Variants in NEDD9 observed in about 807,000 individuals in gnomAD.
NEDD9 encodes enhancer of filamentation 1.
NEDD9 carries 26 observed loss-of-function variants against 76.6 expected under a neutral mutation model. The observed-to-expected ratio is 0.34, with a 90% CI of 0.25 to 0.47. The LOEUF (loss-of-function observed/expected upper bound fraction) is 0.47. NEDD9 is among the 20% of genes least tolerant of loss of function. The pLI is 1.00. For synonymous variants in NEDD9, 392 were observed against 414.2 expected (o/e 0.95, Z 0.65); for missense variants, 937 against 1,058.5 (o/e 0.89, Z 1.59).
intron 3 of NEDD9, among the ~76,000 whole-genome samples, chr6:11,284,862 T>G (rs1339875232): frequency 6.6e-6 from 1 of 151,608 alleles, no homozygotes; most frequent in Non-Finnish European, 1.5e-5. Context: ...TTAGTTCTTA[T>G]ATGACAAGAA....
At chr6:11,336,564 C>A (rs76010409) in intron 1 of NEDD9, among the ~76,000 whole-genome samples, 5,082 of 152,236 alleles carry the variant, frequency 0.033, 190 homozygotes, top group African/African-American at 0.091. Flanking sequence ...ATGAATGGTG[C>A]TTGCAGGACT....
chr6:11,268,978 CTGAAATTTCTTA>C (rs1476405092), intron 3 of NEDD9, among the ~76,000 whole-genome samples: 5 of 152,132 alleles, frequency 3.3e-5, no homozygotes, highest in African/African-American at 1.2e-4. Context: ...GGTCAAGTAT[CTGAAATTTCTTA>C]TTACGTAAAA....
At chr6:11,308,439 G>T (rs977337560) in intron 2 of NEDD9, among the ~76,000 whole-genome samples, 2 of 138,056 alleles carry the variant, frequency 1.4e-5, no homozygotes, top group Admixed American at 1.6e-4. Flanking sequence ...GCGCAATCTC[G>T]GCTCACTGCA....
intron 2 of NEDD9, among the ~76,000 whole-genome samples, chr6:11,208,642 C>T (rs939662709): frequency 3.3e-5 from 5 of 152,222 alleles, no homozygotes; most frequent in African/African-American, 1.2e-4. Flanking sequence ...CAGCCATGGC[C>T]CCTGTGCTGA....
chr6:11,319,502 GCACACA>G (rs538879863), intron 2 of NEDD9, among the ~76,000 whole-genome samples: 2 of 129,364 alleles, frequency 1.5e-5, no homozygotes, highest in South Asian at 2.5e-4. Context: ...ACACACTCAT[GCACACA>G]CACACTAACA....
At position 11,375,422 on chromosome 6, in the gene NEDD9, G is replaced by A. The variant is rs1157532070; in HGVS notation, c.-214+6717C>T. Among the ~76,000 whole-genome samples the A allele has an allele frequency of 2.6e-5, 4 of 152,312 alleles. No homozygotes were observed. The South Asian group carries it at 6.2e-4, about 24-fold the overall frequency. On this transcript the variant is annotated intron_variant, in intron 1 of 3. Coordinates refer to the NEDD9 transcript ENST00000397378. ...GGAGGCCAATCAAAAAGTAAAGTAAGGGAATGACTAACAAAATTTTAAGAC... is the reference window on the plus strand; with the variant it reads ...GGAGGCCAATCAAAAAGTAAAGTAAAGGAATGACTAACAAAATTTTAAGAC...
chr6:11,275,113 A>G lies in NEDD9; in HGVS notation c.12+30879T>C, dbSNP rs542286378. ...TTTGTGACAACATGGGTGAACCTGG[A>G]GGACATTTTGCTCAGGGGAATAAAC... On this transcript the variant is annotated intron_variant, in intron 3 of 3. Coordinates refer to the NEDD9 transcript ENST00000397378. Among the ~76,000 whole-genome samples the G allele has an allele frequency of 2.0e-5, 3 of 152,366 alleles. No individual in the cohort carries two copies. In the South Asian group the frequency reaches 6.2e-4, roughly 32 times the overall value.
rs1286036961 is a variant in NEDD9, at chr6:11,370,113, C to T, written c.-214+12026G>A. 1.3e-5 allele frequency among the ~76,000 whole-genome samples: 2 copies of T among 152,192 alleles called. No individual in the cohort carries two copies. The highest frequency in any genetic ancestry group is 3.8e-4 in the East Asian group (2 of 5,204). ...AACTGAGGTATATAAAGAGTCTTTTCCCTAAGGAACATTTCGTTTAATGAT... is the reference window on the plus strand; with the variant it reads ...AACTGAGGTATATAAAGAGTCTTTTTCCTAAGGAACATTTCGTTTAATGAT... On this transcript the variant is annotated intron_variant, in intron 1 of 3. Transcript: ENST00000397378. This position sits in a 1 kb window ranked among gnomAD's most constrained non-coding sequence, Gnocchi z 4.2.
At chr6:11,250,066 T>C (rs905116648) in intron 3 of NEDD9, among the ~76,000 whole-genome samples, 2 of 152,192 alleles carry the variant, frequency 1.3e-5, no homozygotes, top group African/African-American at 4.8e-5. Context: ...CAGGAACAGA[T>C]GTGCAAATGG....
chr6:11,373,620 T>C (rs989787744), intron 1 of NEDD9, among the ~76,000 whole-genome samples: 2 of 152,240 alleles, frequency 1.3e-5, no homozygotes, highest in African/African-American at 4.8e-5. Flanking sequence ...GCCTGGCCCA[T>C]ACAGAGTCCT....
chr6:11,266,195 A>G (rs764189712), intron 3 of NEDD9, among the ~76,000 whole-genome samples: 11 of 152,154 alleles, frequency 7.2e-5, no homozygotes, highest in East Asian at 1.9e-4. Flanking sequence ...CAATTAATAA[A>G]CAAATAATGC....
At position 11,224,938 on chromosome 6, in the gene NEDD9, G is replaced by A. The variant is rs369500808; in HGVS notation, c.12+7566C>T. Among the ~76,000 whole-genome samples, 7 of 152,276 alleles carry A rather than the reference G, an allele frequency of 4.6e-5. No individual in the cohort carries two copies. In the South Asian group the frequency reaches 6.2e-4, roughly 14 times the overall value. On this transcript the variant is annotated intron_variant, in intron 1 of 6. Transcript: ENST00000379446. ...TACCAAGAGATAGCACAGTGTTTCT[G>A]CCTGACCAATAAAACCTAGGAAAAA... is the stretch of plus-strand genomic sequence containing the variant.
intron 3 of NEDD9, among the ~76,000 whole-genome samples, chr6:11,268,020 G>C (rs1760232730): frequency 6.6e-6 from 1 of 152,012 alleles, no homozygotes; most frequent in Non-Finnish European, 1.5e-5. Context: ...GGTAAAAACG[G>C]CATCTATAAT....
intron 4 of NEDD9, 43 bp from the exon 5 acceptor site, chr6:11,191,248 C>T (rs1409239868): frequency 6.5e-7 from 1 of 1,528,526 alleles, no homozygotes; most frequent in Non-Finnish European, 8.8e-7. Flanking sequence ...ATTGAGTTGG[C>T]TCATGGGAAC....
At chr6:11,196,651 A>C (rs1490085500) in intron 2 of NEDD9, among the ~76,000 whole-genome samples, 1 of 152,046 alleles carries the variant, frequency 6.6e-6, no homozygotes, top group African/African-American at 2.4e-5. Context: ...AAAGAAACAG[A>C]TGGTGAAAAC....
intron 2 of NEDD9, among the ~76,000 whole-genome samples, chr6:11,328,243 G>T (rs1396486349): frequency 1.3e-5 from 2 of 152,216 alleles, no homozygotes; most frequent in Non-Finnish European, 2.9e-5. Flanking sequence ...GTGCCCTGTT[G>T]TGTGCTGGAG....
intron 3 of NEDD9, among the ~76,000 whole-genome samples, chr6:11,287,590 C>T (rs757416135): frequency 3.9e-5 from 6 of 152,198 alleles, no homozygotes; most frequent in East Asian, 3.9e-4. Flanking sequence ...CTACAGATAA[C>T]GGTCTTGAGT....
chr6:11,256,646 T>C (rs778587435), intron 3 of NEDD9, among the ~76,000 whole-genome samples: 7 of 152,142 alleles, frequency 4.6e-5, no homozygotes, highest in Non-Finnish European at 1.5e-5. Context: ...TTTGTTTTTG[T>C]AGAGACAGGG....
intron 2 of NEDD9, among the ~76,000 whole-genome samples, chr6:11,197,468 G>C (rs907210380): frequency 7.2e-5 from 11 of 152,048 alleles, no homozygotes; most frequent in South Asian, 2.1e-4. Flanking sequence ...TGGATTTTCT[G>C]TCCCTAGGAG....
Sources: gnomAD v4.1 joint callset for allele counts (sites outside exome capture counted in the v4.1 genomes callset) on GRCh38, gnomAD v4.1.1 for gene constraint, Gnocchi (gnomAD v3.1) non-coding constraint, MANE v1.5 for transcripts, NCBI Gene and HGNC (gene_info 2026-07-23, HGNC 2026-07-21) for gene names.